The following TENM3 variants were observed in gnomAD, a reference collection of about 807,000 sequenced individuals.
The protein encoded by TENM3 is teneurin transmembrane protein 3.
A neutral mutation model predicts 255.1 loss-of-function variants in TENM3; 63 were observed. The observed-to-expected ratio is 0.25, with a 90% CI of 0.20 to 0.30. The LOEUF (loss-of-function observed/expected upper bound fraction) is 0.30. Ranked by LOEUF, TENM3 falls within the 10% of genes least tolerant of loss-of-function variation. TENM3 has a pLI of 1.00. For synonymous variants in TENM3, 1,306 were observed against 1,322.3 expected (o/e 0.99, Z 0.27); for missense variants, 2,929 against 3,461.1 (o/e 0.85, Z 3.86).
the TENM3 span, among the ~76,000 whole-genome samples, chr4:181,970,987 G>T: frequency 1.3e-5 from 2 of 151,880 alleles, no homozygotes; most frequent in Non-Finnish European, 2.9e-5. Context: ...TCACTCTATT[G>T]TCCAGGCTGG....
Position 182,161,959 on chromosome 4 carries a change from G to GTATATA in TENM3, c.-76+17237_-76+17242dup, listed in dbSNP as rs766414090. Among the ~76,000 whole-genome samples, 10 of 16,260 alleles carry GTATATA rather than the reference G, an allele frequency of 6.2e-4. No homozygotes were observed. The East Asian group carries it at 8.6e-3, about 14-fold the overall frequency. The allele number at this position is 16,260 out of a possible 152,430, so 10.7% of individuals were successfully genotyped here. Reference sequence around the variant, plus strand: ...CATATATATATTTGTGTGTGTGTGTGTATATATATATATATATATATATAT... The same window carrying GTATATA: ...CATATATATATTTGTGTGTGTGTGTGTATATATATATATATATATATATATATATAT... On this transcript the variant is annotated intron_variant, in intron 1 of 2. Transcript: ENST00000512480.
chr4:182,555,125 A>G (rs1221030809), intron 3 of TENM3, among the ~76,000 whole-genome samples: 2 of 152,226 alleles, frequency 1.3e-5, no homozygotes, highest in Non-Finnish European at 2.9e-5. Flanking sequence ...TTAGGAAAGT[A>G]AGGACATAAT....
At chr4:181,989,621 G>C in the TENM3 span, among the ~76,000 whole-genome samples, 1 of 152,058 alleles carries the variant, frequency 6.6e-6, no homozygotes, top group Non-Finnish European at 1.5e-5. Context: ...GATGTAAAAA[G>C]ATTAATGTTG....
chr4:181,823,698 G>A, the TENM3 span, among the ~76,000 whole-genome samples: 2 of 152,016 alleles, frequency 1.3e-5, no homozygotes, highest in African/African-American at 2.4e-5. Flanking sequence ...TAACCCCTGG[G>A]GAAAATATTT....
At chr4:182,642,569 G>A (rs1752409691) in intron 5 of TENM3, among the ~76,000 whole-genome samples, 1 of 152,202 alleles carries the variant, frequency 6.6e-6, no homozygotes, top group Non-Finnish European at 1.5e-5. Flanking sequence ...CATTTTGATA[G>A]CCAATATGAT....
chr4:181,623,789 G>C, the TENM3 span, among the ~76,000 whole-genome samples: 1 of 152,184 alleles, frequency 6.6e-6, no homozygotes, highest in Non-Finnish European at 1.5e-5. Context: ...TGATGGCTCT[G>C]AGCTATAGAA....
the TENM3 span, among the ~76,000 whole-genome samples, chr4:181,639,637 G>T: frequency 6.6e-6 from 1 of 152,236 alleles, no homozygotes; most frequent in South Asian, 2.1e-4. Context: ...CTACTTGGGA[G>T]GCTGAGGCCG....
intron 1 of TENM3, among the ~76,000 whole-genome samples, chr4:182,276,795 G>A (rs1049432072): frequency 6.6e-6 from 1 of 152,138 alleles, no homozygotes; most frequent in Admixed American, 6.5e-5. Flanking sequence ...TATTTCGTCT[G>A]TATGTATATA....
At chr4:181,819,768 G>A in the TENM3 span, among the ~76,000 whole-genome samples, 1 of 152,176 alleles carries the variant, frequency 6.6e-6, no homozygotes, top group South Asian at 2.1e-4. Flanking sequence ...TAATCTGACA[G>A]GAGGCGGAGC....
intron 6 of TENM3, among the ~76,000 whole-genome samples, chr4:182,663,788 C>T (rs1234992700): frequency 6.7e-6 from 1 of 148,434 alleles, no homozygotes; most frequent in Non-Finnish European, 1.5e-5. Context: ...AATACGTTGT[C>T]TATAAGCTGC....
At chr4:182,575,572 TGTG>T (rs113248093) in intron 3 of TENM3, among the ~76,000 whole-genome samples, 2,284 of 152,260 alleles carry the variant, frequency 0.015, 49 homozygotes, top group African/African-American at 0.052. Flanking sequence ...AAGGAAAAAA[TGTG>T]GTAACAAAAG....
At chr4:181,972,767 G>C in the TENM3 span, among the ~76,000 whole-genome samples, 4 of 152,292 alleles carry the variant, frequency 2.6e-5, no homozygotes, top group South Asian at 8.3e-4. Context: ...AGATCCCAGG[G>C]ACAACATGTG....
chr4:182,021,341 G>A, the TENM3 span, among the ~76,000 whole-genome samples: 1 of 152,024 alleles, frequency 6.6e-6, no homozygotes, highest in South Asian at 2.1e-4. Context: ...GTGATTCCAT[G>A]TCTTTGCTAC....
intron 3 of TENM3, among the ~76,000 whole-genome samples, chr4:182,452,687 T>C (rs1184346116): frequency 1.3e-5 from 2 of 152,244 alleles, no homozygotes; most frequent in African/African-American, 2.4e-5. Flanking sequence ...AAGTGATTCA[T>C]ATCCAGAAAC....
chr4:182,481,264 T>C (rs1398392827), intron 3 of TENM3, among the ~76,000 whole-genome samples: 1 of 152,186 alleles, frequency 6.6e-6, no homozygotes, highest in African/African-American at 2.4e-5. Flanking sequence ...AGTCCAGATA[T>C]AAACCTAAAA....
chr4:181,799,274 A>G, the TENM3 span, among the ~76,000 whole-genome samples: 2 of 152,264 alleles, frequency 1.3e-5, no homozygotes, highest in Admixed American at 6.5e-5. Flanking sequence ...AAATAAATAC[A>G]TGTTGCCATT....
chr4:181,663,437 A>G, the TENM3 span, among the ~76,000 whole-genome samples: 2 of 152,188 alleles, frequency 1.3e-5, no homozygotes, highest in African/African-American at 4.8e-5. Flanking sequence ...CATCAATCTT[A>G]TAGCACAAAT....
intron 3 of TENM3, among the ~76,000 whole-genome samples, chr4:182,490,538 A>G (rs1484520163): frequency 2.0e-5 from 3 of 152,152 alleles, no homozygotes; most frequent in Non-Finnish European, 2.9e-5. Context: ...GTGCGTGCAT[A>G]CAGATGTCAG....
chr4:182,471,329 A>G (rs910098635), intron 3 of TENM3, among the ~76,000 whole-genome samples: 1 of 152,222 alleles, frequency 6.6e-6, no homozygotes, highest in African/African-American at 2.4e-5. Context: ...GATGCAGTCT[A>G]AGAAAATCTC....
Sources: gnomAD v4.1 joint callset for allele counts (sites outside exome capture counted in the v4.1 genomes callset) on GRCh38, gnomAD v4.1.1 for gene constraint, MANE v1.5 for transcripts, NCBI Gene and HGNC (gene_info 2026-07-23, HGNC 2026-07-21) for gene names.